HDDC2: variants seen among roughly 807,000 people sequenced by gnomAD.
HDDC2 encodes 5'-deoxynucleotidase HDDC2.
In HDDC2, 25 loss-of-function variants were observed where a neutral mutation model predicts 25.5. The observed-to-expected ratio is 0.98, with a 90% CI of 0.72 to 1.37. The LOEUF (loss-of-function observed/expected upper bound fraction) is 1.37. Among genes scored for constraint, HDDC2 ranks in the 40% most tolerant of loss-of-function variants. HDDC2 has a pLI of 0.00. For missense variants in HDDC2, 264 were observed against 253.1 expected, an observed-to-expected ratio of 1.04 and a Z score of -0.29; for synonymous variants, 106 against 89.7, an observed-to-expected ratio of 1.18 and a Z score of -1.03.
chr6:125,298,969 C>T (rs1217396742), intron 2 of HDDC2, among the ~76,000 whole-genome samples, 153 bp from the exon 3 acceptor site: 1 of 152,134 alleles, frequency 6.6e-6, no homozygotes, highest in Non-Finnish European at 1.5e-5. Context: ...TTATATTCTG[C>T]CAGCCTACAA....
intron 4 of HDDC2, among the ~76,000 whole-genome samples, chr6:125,283,125 C>G (rs934992396): frequency 2.6e-5 from 4 of 152,148 alleles, no homozygotes; most frequent in Non-Finnish European, 5.9e-5. Flanking sequence ...CCTCTTCATG[C>G]TAAAGACTCT....
At chr6:125,285,938 T>C (rs1798527655) in intron 4 of HDDC2, among the ~76,000 whole-genome samples, 1 of 152,234 alleles carries the variant, frequency 6.6e-6, no homozygotes, top group South Asian at 2.1e-4. Context: ...CAAAGTACAG[T>C]TGGGGCTTGA....
At chr6:125,296,931 T>C (rs1340614333) in intron 3 of HDDC2, among the ~76,000 whole-genome samples, 1 of 152,232 alleles carries the variant, frequency 6.6e-6, no homozygotes, top group African/African-American at 2.4e-5. Context: ...CCAGAAGGTT[T>C]TGACTTGCTC....
At chr6:125,296,274 T>C (rs903504105) in intron 3 of HDDC2, among the ~76,000 whole-genome samples, 1 of 152,164 alleles carries the variant, frequency 6.6e-6, no homozygotes, top group African/African-American at 2.4e-5. Context: ...CACCATTTTA[T>C]CTTCAGCATC....
intron 4 of HDDC2, among the ~76,000 whole-genome samples, chr6:125,284,286 T>C (rs1315728729): frequency 6.6e-6 from 1 of 152,090 alleles, no homozygotes; most frequent in African/African-American, 2.4e-5. Context: ...CCAAAAGCAA[T>C]TGCAACAAAA....
At position 125,301,897 on chromosome 6, in the gene HDDC2, G is replaced by C. The variant is rs1798816291; in HGVS notation, c.36C>G (p.His12Gln). Residue 12 changes from histidine to glutamine, a missense_variant, in exon 1 of 6, where the codon CAC becomes CAG. Transcript: ENST00000398153. Reference sequence around the variant, plus strand: ...GGAACTGCAGTAGGGACCGAGCCCCGTGGCCCGAGAAGGTCGCAGAGGAGA... The same window carrying C: ...GGAACTGCAGTAGGGACCGAGCCCCCTGGCCCGAGAAGGTCGCAGAGGAGA... The part of the protein sequence containing the change: ...ASVSSATFSG[H>Q]GARSLLQFLR... 6.4e-7 allele frequency: 1 copy of C among 1,552,024 alleles called. No homozygotes were observed. The highest frequency in any genetic ancestry group is 8.7e-7 in the Non-Finnish European group (1 of 1,149,554).
At chr6:125,293,050 T>C in intron 3 of HDDC2, 141 bp from the exon 4 acceptor site, 1 of 728,382 alleles carries the variant, frequency 1.4e-6, no homozygotes, top group Non-Finnish European at 2.5e-6. Flanking sequence ...CTGGACAATA[T>C]TTATAGCTTG....
chr6:125,290,727 A>C (rs1189588751), intron 4 of HDDC2, among the ~76,000 whole-genome samples: 1 of 152,244 alleles, frequency 6.6e-6, no homozygotes, highest in African/African-American at 2.4e-5. Context: ...GAAAGAGGCA[A>C]GGAAGAATCC....
At chr6:125,298,247 T>A (rs959114905) in intron 3 of HDDC2, among the ~76,000 whole-genome samples, 1 of 152,000 alleles carries the variant, frequency 6.6e-6, no homozygotes, top group Admixed American at 6.6e-5. Flanking sequence ...AAGGTGAAAT[T>A]AACAAAAATA....
At chr6:125,292,449 A>G (rs1798645923) in intron 4 of HDDC2, among the ~76,000 whole-genome samples, 1 of 152,164 alleles carries the variant, frequency 6.6e-6, no homozygotes, top group South Asian at 2.1e-4. Context: ...AGGGTCTTAC[A>G]GATGAGCAAC....
At chr6:125,298,114 AGG>A (rs541543365) in intron 3 of HDDC2, among the ~76,000 whole-genome samples, 1 of 152,058 alleles carries the variant, frequency 6.6e-6, no homozygotes, top group Non-Finnish European at 1.5e-5. Context: ...GTGGAGGGAG[AGG>A]GGGGTTAAAA....
At chr6:125,291,659 TG>T (rs1442547476) in intron 4 of HDDC2, among the ~76,000 whole-genome samples, 11 of 152,158 alleles carry the variant, frequency 7.2e-5, no homozygotes, top group Admixed American at 3.9e-4. Context: ...TGTGGGAACC[TG>T]TATGATTCTC....
At chr6:125,300,816 A>G (rs1798788153) in intron 1 of HDDC2, among the ~76,000 whole-genome samples, 157 bp from the exon 2 acceptor site, 1 of 152,204 alleles carries the variant, frequency 6.6e-6, no homozygotes, top group African/African-American at 2.4e-5. Context: ...AATGATAGAC[A>G]TCTGGAATCA....
intron 4 of HDDC2, among the ~76,000 whole-genome samples, chr6:125,285,342 T>C (rs1348165689): frequency 1.3e-5 from 2 of 151,598 alleles, no homozygotes; most frequent in Non-Finnish European, 2.9e-5. Flanking sequence ...ATATAAGACA[T>C]AGAAGAACAA....
intron 1 of HDDC2, 87 bp from the exon 2 acceptor site, chr6:125,300,746 A>G: frequency 7.6e-7 from 1 of 1,315,210 alleles, no homozygotes; most frequent in Non-Finnish European, 1.0e-6. Flanking sequence ...AGGATATAAC[A>G]CACAGAAGCC....
At chr6:125,289,193 A>T (rs1401538277) in intron 4 of HDDC2, among the ~76,000 whole-genome samples, 1 of 135,474 alleles carries the variant, frequency 7.4e-6, no homozygotes, top group Non-Finnish European at 1.6e-5. Flanking sequence ...GACATGGATG[A>T]AACTGGAAAC....
In HDDC2 at chr6:125,287,498, T is replaced by G. The variant is rs530804852; in HGVS notation, c.378+5343A>C. Among the ~76,000 whole-genome samples the G allele has an allele frequency of 5.3e-5, 8 of 152,250 alleles. No homozygotes were observed. In the South Asian group the frequency reaches 1.7e-3, roughly 32 times the overall value. ...GTATTTTATTTCTCAATAAAAGGCT[T>G]TAAAAATAATAAAAATGGCAGAAGA... On this transcript the variant is annotated intron_variant, in intron 4 of 5. Transcript: ENST00000398153.
intron 1 of HDDC2, among the ~76,000 whole-genome samples, chr6:125,301,442 TACACACACAC>T: frequency 6.9e-6 from 1 of 145,186 alleles, no homozygotes. Context: ...AGCCGCGCTT[TACACACACAC>T]ACACACACAC....
intron 3 of HDDC2, among the ~76,000 whole-genome samples, chr6:125,296,743 T>A (rs760754182): frequency 1.3e-5 from 2 of 152,146 alleles, no homozygotes; most frequent in Non-Finnish European, 2.9e-5. Context: ...CTGGAAAGGT[T>A]TTTCATCAAA....
Sources: gnomAD v4.1 joint callset for allele counts (sites outside exome capture counted in the v4.1 genomes callset) on GRCh38, gnomAD v4.1.1 for gene constraint, MANE v1.5 for transcripts, NCBI Gene and HGNC (gene_info 2026-07-23, HGNC 2026-07-21) for gene names.